COG8: variants seen among roughly 807,000 people sequenced by gnomAD.
COG8 encodes component of oligomeric golgi complex 8.
A neutral mutation model predicts 46.5 loss-of-function variants in COG8; 45 were observed. The ratio of observed to expected loss-of-function variants is 0.97; its 90% CI spans 0.76 to 1.24. The LOEUF (loss-of-function observed/expected upper bound fraction) is 1.24. Among genes scored for constraint, COG8 ranks in the 50% most tolerant of loss-of-function variants. COG8 has a pLI of 0.00. For synonymous variants in COG8, 407 were observed against 347.8 expected, an observed-to-expected ratio of 1.17 and a Z score of -1.90; for missense variants, 793 against 820.8, an observed-to-expected ratio of 0.97 and a Z score of 0.41.
chr16:69,329,215 A>G, intron 5 of COG8, 36 bp from the exon 6 acceptor site: 1 of 1,540,142 alleles, frequency 6.5e-7, no homozygotes. Context: ...GAGTGGGAAC[A>G]GCTGAACTGC....
chr16:69,329,628 G>A (rs1033253972), intron 5 of COG8, among the ~76,000 whole-genome samples: 2 of 152,256 alleles, frequency 1.3e-5, no homozygotes, highest in African/African-American at 4.8e-5. Flanking sequence ...GGTACCACGG[G>A]GGAATGGCCT....
chr16:69,337,439 T>C (rs574395057), intron 1 of COG8, among the ~76,000 whole-genome samples: 2 of 152,348 alleles, frequency 1.3e-5, no homozygotes, highest in East Asian at 3.9e-4. Flanking sequence ...TAACAGTAGC[T>C]ATCATTATTT....
At chr16:69,329,350 C>T (rs1965707770) in intron 5 of COG8, among the ~76,000 whole-genome samples, 171 bp from the exon 6 acceptor site, 1 of 152,194 alleles carries the variant, frequency 6.6e-6, no homozygotes, top group African/African-American at 2.4e-5. Context: ...CATCTCGGTC[C>T]ATTACCAAGC....
chr16:69,328,257 C>G lies in COG8; in HGVS notation c.*949G>C, dbSNP rs1264344513. 6.8e-6 allele frequency: 1 copy of G among 147,918 alleles called. No homozygotes were observed. Among genetic ancestry groups the G allele is most frequent in the Non-Finnish European group, 1.5e-5 (1 of 66,872 alleles). 9.2% of individuals were successfully genotyped at this position (147,918 alleles called of 1,614,324 possible). On this transcript the variant is annotated 3_prime_UTR_variant, in exon 6 of 6. Coordinates refer to ENST00000306875, the MANE Select transcript of COG8 (RefSeq NM_032382.5). ...CACTGCACCTGGCCACTTTCTTAAA[C>G]CTACACATTGGTTGCTGTGATATTA... is the stretch of plus-strand genomic sequence containing the variant.
chr16:69,330,797 C>G lies in COG8; in HGVS notation c.*26+16G>C. ...CGAGGCAGTCCTGGCCACCCCGCGCCGGGAACCTCACGCACCGCGTTCTGG... is the reference window on the plus strand; with the variant it reads ...CGAGGCAGTCCTGGCCACCCCGCGCGGGGAACCTCACGCACCGCGTTCTGG... On this transcript the variant is annotated intron_variant, in intron 5 of 5. Coordinates refer to ENST00000306875, the MANE Select transcript of COG8 (RefSeq NM_032382.5). The G allele has an allele frequency of 6.6e-7, 1 of 1,515,304 alleles. No individual in the cohort carries two copies. The highest frequency in any genetic ancestry group is 8.8e-7 in the Non-Finnish European group (1 of 1,137,628). 93.9% of individuals were successfully genotyped at this position (1,515,304 alleles called of 1,614,324 possible). A position where few individuals can be genotyped will look rare whatever the true frequency, so the allele number is the denominator to read the frequency against.
intron 5 of COG8, chr16:69,330,293 T>C: frequency 7.0e-7 from 1 of 1,429,878 alleles, no homozygotes; most frequent in South Asian, 1.4e-5. Flanking sequence ...CGTCAGCCGC[T>C]GCAGCTCGGG....
At position 69,339,394 on chromosome 16, in the gene COG8, C is replaced by T; in HGVS notation, c.159G>A (p.Leu53=). The change falls in exon 1 of 6, where the codon TTG becomes TTA. Residue 53 remains leucine, a synonymous_variant. Coordinates refer to ENST00000306875, the MANE Select transcript of COG8 (RefSeq NM_032382.5). ...GCAGCCGCTCCAGCCCCGAGCCGCTCAACTCCCGGAGGTAGCGGCCCACAT... is the reference window on the plus strand; with the variant it reads ...GCAGCCGCTCCAGCCCCGAGCCGCTTAACTCCCGGAGGTAGCGGCCCACAT... ...RPDVGRYLRE[L]SGSGLERLRR... 4 of 1,585,986 alleles carry T rather than the reference C, an allele frequency of 2.5e-6. No individual in the cohort carries two copies. The highest frequency in any genetic ancestry group is 2.6e-6 in the Non-Finnish European group (3 of 1,170,298).
intron 4 of COG8, 96 bp downstream of exon 4, chr16:69,332,618 A>G (rs765611148): frequency 4.0e-5 from 48 of 1,185,224 alleles, no homozygotes; most frequent in Non-Finnish European, 6.0e-5. Context: ...TTGGATTCAT[A>G]TTTACTAAAA....
In COG8 at chr16:69,332,699, T is replaced by G. The variant is rs762306820; in HGVS notation, c.1582+15A>C. The G allele has an allele frequency of 6.2e-7, 1 of 1,610,852 alleles. No individual in the cohort carries two copies. Among genetic ancestry groups the G allele is most frequent in the East Asian group, 2.2e-5 (1 of 44,878 alleles). On this transcript the variant is annotated intron_variant, in intron 4 of 5. Coordinates refer to ENST00000306875, the MANE Select transcript of COG8 (RefSeq NM_032382.5). ...CACATCAGTAAGGCAGTTTACAGAA[T>G]TTTCATTCTCTTACCTAAAGTCTGT... is the stretch of plus-strand genomic sequence containing the variant.
chr16:69,336,829 C>T, intron 1 of COG8, 117 bp from the exon 2 acceptor site: 1 of 896,878 alleles, frequency 1.1e-6, no homozygotes. Flanking sequence ...TTATTCCTCA[C>T]ACCCCACCTA....
At chr16:69,330,125 G>T in intron 5 of COG8, 1 of 1,575,078 alleles carries the variant, frequency 6.3e-7, no homozygotes. Flanking sequence ...CACGCGCAGG[G>T]GGAAGGGCTC....
chr16:69,330,828 G>T lies in COG8; in HGVS notation c.*11C>A. 1 of 1,532,946 alleles carries T rather than the reference G, an allele frequency of 6.5e-7. No homozygotes were observed. The allele number at this position is 1,532,946 out of a possible 1,614,324, so 95.0% of individuals were successfully genotyped here. A position where few individuals can be genotyped will look rare whatever the true frequency, so the allele number is the denominator to read the frequency against. ...CCTCACGCACCGCGTTCTGGAGGCA[G>T]GGGACGCCGGCTAGGGCCCCACGCT... On this transcript the variant is annotated 3_prime_UTR_variant, in exon 5 of 6. Transcript: ENST00000306875.
chr16:69,332,724 T>C lies in COG8; in HGVS notation c.1572A>G (p.Ala524=), dbSNP rs1221842574. 1.9e-6 allele frequency: 3 copies of C among 1,613,948 alleles called. No homozygotes were observed. Among genetic ancestry groups the C allele is most frequent in the Non-Finnish European group, 2.5e-6 (3 of 1,179,876 alleles). The part of the protein sequence containing the change: ...LQVLFPPAQI[A]QTLGIPPTQL... ...TTTTCATTCTCTTACCTAAAGTCTG[T>C]GCTATCTGAGCTGGTGGAAAAAGGA... Residue 524 remains alanine, a synonymous_variant, in exon 4 of 6, where the codon GCA becomes GCG. Coordinates refer to ENST00000306875, the MANE Select transcript of COG8 (RefSeq NM_032382.5).
rs76253513 is a variant in COG8, at chr16:69,331,087, G to A, written c.1591C>T (p.Pro531Ser). The A allele has an allele frequency of 2.1e-3, 3,352 of 1,613,926 alleles. 73 individuals carry two copies. In the African/African-American group the frequency reaches 0.041, roughly 20 times the overall value. Reference protein sequence around the residue: ...AQIAQTLGIPPTQLSKYGNLG... With the variant: ...AQIAQTLGIPSTQLSKYGNLG... The stretch of plus-strand genomic sequence containing the variant: ...TTACCGTACTTGGAGAGCTGAGTGG[G>A]AGGAATGCCTAACCCAGACGTGGGG... Residue 531 changes from proline (P) to serine (S), a missense_variant, in exon 5 of 6, where the codon CCC (proline) becomes TCC (serine). Transcript: ENST00000306875.
In COG8 at chr16:69,335,334, T is replaced by C. The variant is rs750205520; in HGVS notation, c.600A>G (p.Glu200=). Residue 200 remains glutamate (E), a synonymous_variant, in exon 3 of 6, where the codon GAA becomes GAG. Coordinates refer to ENST00000306875, the MANE Select transcript of COG8 (RefSeq NM_032382.5). ...GCATCAGCTGCATGGACTGGCGCAC[T>C]TCGTTCACGATGCCCTGACAATACA... ...SIPVIQGIVN[E]VRQSMQLMLS... The C allele has an allele frequency of 1.3e-6, 2 of 1,599,566 alleles. No individual in the cohort carries two copies. The highest frequency in any genetic ancestry group is 8.5e-7 in the Non-Finnish European group (1 of 1,176,602).
intron 4 of COG8, among the ~76,000 whole-genome samples, chr16:69,331,713 C>A (rs190139414): frequency 6.6e-6 from 1 of 152,070 alleles, no homozygotes; most frequent in African/African-American, 2.4e-5. Flanking sequence ...GTTGGCCAGG[C>A]TGGTCTCAAA....
intron 3 of COG8, among the ~76,000 whole-genome samples, chr16:69,333,725 C>CA (rs1450695645): frequency 1.3e-5 from 2 of 152,268 alleles, no homozygotes; most frequent in Non-Finnish European, 2.9e-5. Flanking sequence ...TCAAGTGACT[C>CA]ACACCTGTAA....
chr16:69,330,373 G>A (rs1414778566), intron 5 of COG8: 22 of 1,479,266 alleles, frequency 1.5e-5, no homozygotes, highest in Non-Finnish European at 1.9e-5. Flanking sequence ...CTTGGCACAC[G>A]TGCGAGAACG....
chr16:69,333,200 GCT>G (rs1373080867), intron 3 of COG8, among the ~76,000 whole-genome samples: 2 of 137,480 alleles, frequency 1.5e-5, no homozygotes, highest in Non-Finnish European at 3.1e-5. Flanking sequence ...ACAGGATTTT[GCT>G]CTGTCACCTA....
Sources: gnomAD v4.1 joint callset for allele counts (sites outside exome capture counted in the v4.1 genomes callset) on GRCh38, gnomAD v4.1.1 for gene constraint, MANE v1.5 for transcripts, NCBI Gene and HGNC (gene_info 2026-07-23, HGNC 2026-07-21) for gene names.